The following EYS variants were observed in gnomAD, a reference collection of about 807,000 sequenced individuals.
EYS encodes EGF-like photoreceptor maintenance factor, also known as protein eyes shut homolog.
EYS carries 250 observed loss-of-function variants against 282.1 expected under a neutral mutation model. That is an observed-to-expected ratio of 0.89 (90% CI 0.80 to 0.98). The LOEUF (loss-of-function observed/expected upper bound fraction) is 0.98. Ranked by LOEUF, EYS falls within the 50% of genes least tolerant of loss-of-function variation. EYS has a pLI of 0.00. For missense variants in EYS, 4,016 were observed against 3,709.0 expected (o/e 1.08, Z -2.15); for synonymous variants, 1,355 against 1,282.9 (o/e 1.06, Z -1.20).
chr6:63,907,841 C>T (rs1242026473), intron 35 of EYS, among the ~76,000 whole-genome samples: 1 of 151,886 alleles, frequency 6.6e-6, no homozygotes, highest in East Asian at 1.9e-4. Flanking sequence ...CATTATTTAG[C>T]TCCCACTTAT....
intron 12 of EYS, among the ~76,000 whole-genome samples, chr6:65,278,862 G>A (rs770105878): frequency 9.9e-5 from 15 of 152,040 alleles, no homozygotes; most frequent in Non-Finnish European, 1.6e-4. Context: ...GGTCAGTCAT[G>A]GCTCTAAGAG....
intron 39 of EYS, among the ~76,000 whole-genome samples, chr6:63,782,529 T>G (rs539137177): frequency 1.3e-5 from 2 of 152,372 alleles, no homozygotes; most frequent in Non-Finnish European, 2.9e-5. Context: ...TTTTCTAGTT[T>G]ATTTGTGTAG....
At chr6:65,093,347 A>T (rs907216952) in intron 12 of EYS, among the ~76,000 whole-genome samples, 8 of 152,038 alleles carry the variant, frequency 5.3e-5, no homozygotes, top group African/African-American at 1.9e-4. Context: ...CTTAATGAGT[A>T]AATGTAAATA....
intron 5 of EYS, 28 bp from the exon 6 acceptor site, chr6:65,405,395 A>AAG: frequency 6.4e-7 from 1 of 1,567,128 alleles, no homozygotes; most frequent in Non-Finnish European, 8.7e-7. Flanking sequence ...CAAGAAAAAA[A>AAG]AAGAAAAGGA....
chr6:64,208,745 T>C (rs1332818760), intron 31 of EYS, among the ~76,000 whole-genome samples: 2 of 152,152 alleles, frequency 1.3e-5, no homozygotes, highest in East Asian at 3.8e-4. Context: ...AAGTATATTA[T>C]TAATTTAAGA....
At chr6:64,716,765 T>C (rs749609305) in intron 22 of EYS, among the ~76,000 whole-genome samples, 28 of 152,146 alleles carry the variant, frequency 1.8e-4, no homozygotes, top group Non-Finnish European at 3.5e-4. Context: ...TTTACGTTGA[T>C]ATTTTTTTTT....
At chr6:65,180,686 C>T (rs565450054) in intron 12 of EYS, among the ~76,000 whole-genome samples, 1 of 152,190 alleles carries the variant, frequency 6.6e-6, no homozygotes, top group South Asian at 2.1e-4. Context: ...TGACTTTCTT[C>T]ACAGAATTGG....
At chr6:65,455,625 A>G (rs1284420891) in intron 5 of EYS, among the ~76,000 whole-genome samples, 3 of 152,156 alleles carry the variant, frequency 2.0e-5, no homozygotes, top group Admixed American at 6.5e-5. Context: ...AAGAACAACT[A>G]TATGCCAACA....
At chr6:65,605,245 C>T (rs1765746002) in intron 2 of EYS, among the ~76,000 whole-genome samples, 1 of 151,636 alleles carries the variant, frequency 6.6e-6, no homozygotes, top group African/African-American at 2.4e-5. Flanking sequence ...TTAAAAATTG[C>T]ATTGACATGA....
chr6:64,879,701 G>A (rs774970002), intron 19 of EYS, among the ~76,000 whole-genome samples: 1 of 151,912 alleles, frequency 6.6e-6, no homozygotes, highest in Non-Finnish European at 1.5e-5. Context: ...GAGGAATATT[G>A]ATATATTTAC....
At chr6:65,477,212 T>C (rs1245702622) in intron 5 of EYS, among the ~76,000 whole-genome samples, 1 of 152,154 alleles carries the variant, frequency 6.6e-6, no homozygotes, top group Admixed American at 6.5e-5. Flanking sequence ...ACTGAAGCCA[T>C]ATGTTCAGAA....
intron 15 of EYS, among the ~76,000 whole-genome samples, chr6:64,916,622 T>C (rs750021950): frequency 7.9e-5 from 12 of 152,102 alleles, no homozygotes; most frequent in Non-Finnish European, 1.2e-4. Flanking sequence ...CTCCATGAAA[T>C]AATTTCAGGA....
chr6:64,336,167 T>C (rs531201904), intron 29 of EYS, among the ~76,000 whole-genome samples: 1 of 152,126 alleles, frequency 6.6e-6, no homozygotes, highest in African/African-American at 2.4e-5. Context: ...ATGGCCTAAA[T>C]GTTCCACTTA....
intron 2 of EYS, among the ~76,000 whole-genome samples, chr6:65,518,502 T>A (rs1289460230): frequency 6.6e-6 from 1 of 152,170 alleles, no homozygotes; most frequent in Non-Finnish European, 1.5e-5. Flanking sequence ...AATATGTCTG[T>A]TCTATATTTA....
intron 30 of EYS, 109 bp from the exon 31 acceptor site, chr6:64,230,933 T>C (rs1406113761): frequency 1.7e-6 from 1 of 597,192 alleles, no homozygotes; most frequent in East Asian, 2.8e-5. Flanking sequence ...AAACCAATAC[T>C]GATCAAGGTT....
At chr6:65,665,470 T>C (rs148919323) in intron 1 of EYS, among the ~76,000 whole-genome samples, 63 of 152,224 alleles carry the variant, frequency 4.1e-4, no homozygotes, top group African/African-American at 1.3e-3. Flanking sequence ...AATAGATTAT[T>C]TTCTTAAAAA....
intron 12 of EYS, among the ~76,000 whole-genome samples, chr6:65,150,249 G>C (rs562568106): frequency 6.6e-6 from 1 of 151,920 alleles, no homozygotes; most frequent in African/African-American, 2.4e-5. Flanking sequence ...TTTACTCTTT[G>C]TTTTACTTTT....
chr6:64,605,024 A>C (rs1345430298), intron 24 of EYS, among the ~76,000 whole-genome samples: 1 of 152,056 alleles, frequency 6.6e-6, no homozygotes, highest in African/African-American at 2.4e-5. Flanking sequence ...CAGTTCAAAA[A>C]GTCATGACTG....
chr6:65,595,664 C>T (rs939077696), intron 2 of EYS, among the ~76,000 whole-genome samples: 2 of 141,920 alleles, frequency 1.4e-5, no homozygotes, highest in African/African-American at 5.3e-5. Context: ...AAAAAAAAAT[C>T]AGTTTAGTTA....
Sources: allele counts gnomAD v4.1 joint callset (sites outside exome capture counted in the v4.1 genomes callset), GRCh38; gene constraint gnomAD v4.1.1; transcripts MANE v1.5; gene names NCBI Gene and HGNC (gene_info 2026-07-23, HGNC 2026-07-21).